JAKMIP3: variants seen among roughly 807,000 people sequenced by gnomAD.
The protein encoded by JAKMIP3 is janus kinase and microtubule-interacting protein 3.
Under a neutral mutation model 118.5 loss-of-function variants are expected in JAKMIP3, and 58 were observed. That is an observed-to-expected ratio of 0.49 (90% CI 0.40 to 0.61). The LOEUF is 0.61. Among genes scored for constraint, JAKMIP3 ranks in the 20% least tolerant of loss-of-function variants. The pLI is 0.00. For missense variants in JAKMIP3, 950 were observed against 1,109.0 expected, an observed-to-expected ratio of 0.86 and a Z score of 2.04; for synonymous variants, 486 against 451.2, an observed-to-expected ratio of 1.08 and a Z score of -0.98.
At chr10:132,090,670 A>T (rs1014046500) in intron 1 of JAKMIP3, among the ~76,000 whole-genome samples, 3 of 152,148 alleles carry the variant, frequency 2.0e-5, no homozygotes, top group African/African-American at 7.2e-5. Flanking sequence ...TCCTGGATTC[A>T]TTGAGTTTTT....
In JAKMIP3 at chr10:132,117,436, A is replaced by G. The variant is rs747898590; in HGVS notation, c.495A>G (p.Lys165=). ...QQEISELKGA[K]RQVEEALTLV... ...AGATCTCCGAGCTCAAGGGCGCCAA[A>G]AGGCAGGTGGAGGAGGCGCTGACGC... Residue 165 remains lysine, a synonymous_variant, in exon 3 of 24, where the codon AAA becomes AAG. Transcript: ENST00000684848. The surrounding 1 kb of genome is among the most constrained non-coding windows in gnomAD (Gnocchi z 8.6). 1.7e-5 allele frequency: 27 copies of G among 1,613,844 alleles called. No individual in the cohort carries two copies. Among genetic ancestry groups the G allele is most frequent in the Non-Finnish European group, 1.7e-6 (2 of 1,179,904 alleles).
intron 13 of JAKMIP3, among the ~76,000 whole-genome samples, chr10:132,147,069 C>G (rs148477197): frequency 4.0e-4 from 61 of 152,368 alleles, no homozygotes; most frequent in African/African-American, 1.4e-3. Flanking sequence ...CATGTGCACA[C>G]TTGGAGCCAT....
chr10:132,043,790 C>T (rs1237030599), intron 1 of JAKMIP3, among the ~76,000 whole-genome samples: 4 of 152,196 alleles, frequency 2.6e-5, no homozygotes, highest in African/African-American at 9.7e-5. Context: ...GAATTCTCTG[C>T]CCCGCCCTGG....
At chr10:132,129,626 G>A (rs1438779372) in intron 3 of JAKMIP3, among the ~76,000 whole-genome samples, 2 of 152,194 alleles carry the variant, frequency 1.3e-5, no homozygotes, top group Admixed American at 1.3e-4. Flanking sequence ...AAACGTTAGG[G>A]GAGGCGGGGC....
chr10:132,158,701 T>C (rs1242501604), intron 19 of JAKMIP3, among the ~76,000 whole-genome samples: 1 of 120,306 alleles, frequency 8.3e-6, no homozygotes, highest in South Asian at 3.3e-4. Flanking sequence ...TCTTCCTGTG[T>C]GATGCTGTGG....
At chr10:132,042,591 G>C (rs2037796495) in intron 1 of JAKMIP3, among the ~76,000 whole-genome samples, 1 of 152,164 alleles carries the variant, frequency 6.6e-6, no homozygotes, top group Admixed American at 6.5e-5. Flanking sequence ...CCTGGCTGCA[G>C]GGATGAGTGC....
intron 1 of JAKMIP3, among the ~76,000 whole-genome samples, chr10:132,089,028 T>C (rs1271072279): frequency 4.6e-5 from 7 of 152,264 alleles, no homozygotes; most frequent in African/African-American, 1.7e-4. Context: ...AGATGTGTGG[T>C]ATTATTTCTG....
intron 1 of JAKMIP3, among the ~76,000 whole-genome samples, chr10:132,077,064 G>T (rs560451639): frequency 3.9e-5 from 6 of 152,330 alleles, no homozygotes; most frequent in Admixed American, 1.3e-4. Flanking sequence ...TCTTCAGGCA[G>T]CCTCCACCCC....
At chr10:132,089,171 G>A (rs933521704) in intron 1 of JAKMIP3, among the ~76,000 whole-genome samples, 5 of 151,546 alleles carry the variant, frequency 3.3e-5, no homozygotes, top group Non-Finnish European at 7.4e-5. Flanking sequence ...TTTTGGTTTA[G>A]GGTTGTCTTG....
chr10:132,148,089 T>C, intron 14 of JAKMIP3, 39 bp downstream of exon 14: 1 of 1,345,266 alleles, frequency 7.4e-7, no homozygotes, highest in Non-Finnish European at 1.1e-6. Context: ...CCTGTGGCTG[T>C]GTCAGGGATC....
rs1397561084 is a variant in JAKMIP3 at position 132,168,558 on chromosome 10, T to C, written c.*628T>C. 2 of 399,214 alleles carry C rather than the reference T, an allele frequency of 5.0e-6. No homozygotes were observed. Among genetic ancestry groups the C allele is most frequent in the South Asian group, 4.1e-5 (2 of 49,376 alleles). The allele number at this position is 399,214 out of a possible 1,614,324, so 24.7% of individuals were successfully genotyped here. On this transcript the variant is annotated 3_prime_UTR_variant, in exon 23 of 24. Transcript: ENST00000684848. Reference sequence around the variant, plus strand: ...CCAACAGACCCCACATCCACCCTCGTTCATCATCATCTCTGTGGGGACAGA... The same window carrying C: ...CCAACAGACCCCACATCCACCCTCGCTCATCATCATCTCTGTGGGGACAGA...
chr10:132,168,723 C>CGTGGTG lies in JAKMIP3; in HGVS notation c.*794_*799dup, dbSNP rs1320430845. 3.8e-6 allele frequency: 1 copy of CGTGGTG among 265,858 alleles called. No homozygotes were observed. The highest frequency in any genetic ancestry group is 2.3e-5 in the African/African-American group (1 of 43,118). 16.5% of individuals were successfully genotyped at this position (265,858 alleles called of 1,614,324 possible). ...ACTGAGCCAAGGAAGGCGTGGGGAG[C>CGTGGTG]GTGGTGACAGGAGGTGGGACGAGGG... On this transcript the variant is annotated 3_prime_UTR_variant, in exon 23 of 24. Transcript: ENST00000684848.
Position 132,183,592 on chromosome 10 carries a change from A to C in JAKMIP3, c.*2339A>C, listed in dbSNP as rs1364508061. On this transcript the variant is annotated 3_prime_UTR_variant, in exon 24 of 24. Coordinates refer to ENST00000684848, the MANE Select transcript of JAKMIP3 (RefSeq NM_001323087.2). ...AAGTTGTAATTGTTTATATGTAAAA[A>C]GTATGTATATAGGAACGGGAGAAGG... The C allele has an allele frequency of 6.6e-6, 1 of 152,240 alleles. No homozygotes were observed. The highest frequency in any genetic ancestry group is 1.5e-5 in the Non-Finnish European group (1 of 68,042). 9.4% of individuals were successfully genotyped at this position (152,240 alleles called of 1,614,324 possible). A position where few individuals can be genotyped will look rare whatever the true frequency, so the allele number is the denominator to read the frequency against.
chr10:132,116,807 A>G (rs868520065), intron 2 of JAKMIP3, among the ~76,000 whole-genome samples: 41 of 106,480 alleles, frequency 3.9e-4, no homozygotes, highest in African/African-American at 1.3e-3. Context: ...TGTGTGCATC[A>G]TGGACGCTCC....
chr10:132,100,585 C>A (rs940664844), intron 1 of JAKMIP3, among the ~76,000 whole-genome samples: 2 of 150,902 alleles, frequency 1.3e-5, no homozygotes, highest in Non-Finnish European at 3.0e-5. Flanking sequence ...CTAGCAGCCA[C>A]CCCCAGGGCC....
intron 11 of JAKMIP3, among the ~76,000 whole-genome samples, chr10:132,142,846 A>C (rs1277779339): frequency 6.6e-6 from 1 of 151,788 alleles, no homozygotes; most frequent in Non-Finnish European, 1.5e-5. Flanking sequence ...TGGCCTCCCC[A>C]CCCCAAAACC....
intron 1 of JAKMIP3, among the ~76,000 whole-genome samples, chr10:132,099,460 G>A (rs1231223396): frequency 2.0e-5 from 3 of 152,116 alleles, no homozygotes; most frequent in Non-Finnish European, 2.9e-5. Flanking sequence ...TTAATTTAAC[G>A]ACTTCCCTAA....
chr10:132,155,229 ATGG>A (rs1164985998), intron 19 of JAKMIP3, among the ~76,000 whole-genome samples: 1 of 151,284 alleles, frequency 6.6e-6, no homozygotes, highest in Admixed American at 6.6e-5. Flanking sequence ...GATGGTGATG[ATGG>A]TGGTGGTGGT....
chr10:132,161,087 T>C (rs1467920356), intron 19 of JAKMIP3, among the ~76,000 whole-genome samples: 168 of 77,654 alleles, frequency 2.2e-3, no homozygotes, highest in African/African-American at 4.3e-3. Flanking sequence ...GGGGGCCTCT[T>C]CCTGTGTGAT....
Sources: gnomAD v4.1 joint callset for allele counts (sites outside exome capture counted in the v4.1 genomes callset) on GRCh38, gnomAD v4.1.1 for gene constraint, Gnocchi (gnomAD v3.1) non-coding constraint, MANE v1.5 for transcripts, NCBI Gene and HGNC (gene_info 2026-07-23, HGNC 2026-07-21) for gene names.